FILIP1L: variants seen among roughly 807,000 people sequenced by gnomAD.
The protein encoded by FILIP1L is filamin A interacting protein 1 like.
A neutral mutation model predicts 96.6 loss-of-function variants in FILIP1L; 55 were observed. That is an observed-to-expected ratio of 0.57 (90% CI 0.46 to 0.71). The LOEUF is 0.71. FILIP1L is among the 30% of genes least tolerant of loss of function. The probability of loss-of-function intolerance (pLI) is 0.00; values close to 1 mark genes in which losing one functional copy is unlikely to be tolerated. For synonymous variants in FILIP1L, 467 were observed against 473.9 expected (o/e 0.99, Z 0.19); for missense variants, 1,304 against 1,321.2 (o/e 0.99, Z 0.20).
At chr3:100,038,376 A>G (rs1356472032) in intron 1 of FILIP1L, among the ~76,000 whole-genome samples, 1 of 152,234 alleles carries the variant, frequency 6.6e-6, no homozygotes, top group African/African-American at 2.4e-5. Context: ...AGATAGAAAA[A>G]TAAGATATTG....
chr3:100,024,499 CCTT>C (rs1236716762), intron 1 of FILIP1L, among the ~76,000 whole-genome samples: 2 of 152,082 alleles, frequency 1.3e-5, no homozygotes, highest in Non-Finnish European at 2.9e-5. Flanking sequence ...TATCAGGTCT[CCTT>C]AGACTATTCA....
chr3:100,004,381 T>G (rs1709929267), intron 1 of FILIP1L, among the ~76,000 whole-genome samples: 1 of 152,180 alleles, frequency 6.6e-6, no homozygotes, highest in Non-Finnish European at 1.5e-5. Context: ...GGATTAATAC[T>G]GAGAAGATCA....
At chr3:99,962,525 A>G (rs1199739573) in intron 1 of FILIP1L, among the ~76,000 whole-genome samples, 1 of 152,236 alleles carries the variant, frequency 6.6e-6, no homozygotes, top group African/African-American at 2.4e-5. Context: ...CTCCAGCAAC[A>G]ATATGTTTGG....
intron 4 of FILIP1L, among the ~76,000 whole-genome samples, chr3:99,891,352 A>G (rs1462155963): frequency 2.0e-5 from 3 of 152,138 alleles, no homozygotes; most frequent in East Asian, 1.9e-4. Flanking sequence ...TACATGCCCT[A>G]TGATGTCATG....
chr3:100,111,461 A>G (rs1231744227), intron 1 of FILIP1L, among the ~76,000 whole-genome samples: 1 of 152,152 alleles, frequency 6.6e-6, no homozygotes, highest in African/African-American at 2.4e-5. Flanking sequence ...TGCCTTTCCT[A>G]CTACATAGGG....
intron 1 of FILIP1L, among the ~76,000 whole-genome samples, chr3:99,976,390 A>G (rs1398307336): frequency 1.3e-5 from 2 of 152,242 alleles, no homozygotes; most frequent in Non-Finnish European, 2.9e-5. Flanking sequence ...TAAGTAAGTT[A>G]TTAAACTGTG....
At chr3:99,967,903 G>A (rs1191271794) in intron 1 of FILIP1L, among the ~76,000 whole-genome samples, 2 of 152,184 alleles carry the variant, frequency 1.3e-5, no homozygotes, top group Non-Finnish European at 2.9e-5. Context: ...GAAGGAGTAG[G>A]ATTTACAAAT....
chr3:99,931,613 G>T (rs939837186), intron 1 of FILIP1L, among the ~76,000 whole-genome samples: 1 of 152,076 alleles, frequency 6.6e-6, no homozygotes, highest in Non-Finnish European at 1.5e-5. Flanking sequence ...AGGAATGAAG[G>T]CTTGGTCCCT....
chr3:99,938,050 AGTGTGTGTGTGT>A (rs71625545), intron 1 of FILIP1L, among the ~76,000 whole-genome samples: 2 of 149,002 alleles, frequency 1.3e-5, no homozygotes, highest in African/African-American at 5.0e-5. Flanking sequence ...AGGCTCAGGA[AGTGTGTGTGTGT>A]GTGTGTGTGT....
intron 1 of FILIP1L, among the ~76,000 whole-genome samples, chr3:99,967,196 T>C (rs1409907643): frequency 6.6e-6 from 1 of 152,246 alleles, no homozygotes; most frequent in African/African-American, 2.4e-5. Flanking sequence ...TCTTGGCTCT[T>C]AGCCCCACCT....
At chr3:100,028,916 C>CAT (rs991568004) in intron 1 of FILIP1L, among the ~76,000 whole-genome samples, 3 of 152,130 alleles carry the variant, frequency 2.0e-5, no homozygotes, top group African/African-American at 7.2e-5. Context: ...CACACACACA[C>CAT]ATATAAACAT....
At chr3:99,885,541 T>C (rs564583067) in intron 4 of FILIP1L, among the ~76,000 whole-genome samples, 139 of 152,360 alleles carry the variant, frequency 9.1e-4, no homozygotes, top group African/African-American at 3.1e-3. Flanking sequence ...GTTCATAAAC[T>C]TACTTTGATA....
intron 1 of FILIP1L, among the ~76,000 whole-genome samples, chr3:100,037,470 A>G (rs35701020): frequency 0.18 from 27,295 of 152,040 alleles, 2,794 homozygotes; most frequent in South Asian, 0.24. Flanking sequence ...ACACACACGC[A>G]CATTGTTATC....
At chr3:99,918,197 C>T (rs931010729) in intron 4 of FILIP1L, among the ~76,000 whole-genome samples, 1 of 151,988 alleles carries the variant, frequency 6.6e-6, no homozygotes, top group Non-Finnish European at 1.5e-5. Flanking sequence ...AGGCTGGTCT[C>T]GAACCCTTGA....
At chr3:99,839,057 C>G (rs1312104291) in intron 5 of FILIP1L, among the ~76,000 whole-genome samples, 1 of 152,118 alleles carries the variant, frequency 6.6e-6, no homozygotes. Context: ...ACACCTTTAC[C>G]TTGTGGGCAC....
At chr3:99,831,918 C>T (rs1305126115) in intron 5 of FILIP1L, among the ~76,000 whole-genome samples, 3 of 152,196 alleles carry the variant, frequency 2.0e-5, no homozygotes, top group African/African-American at 7.2e-5. Context: ...GGAACTCTAG[C>T]CTACCTGGGT....
chr3:100,086,392 C>G (rs1297225269), intron 1 of FILIP1L, among the ~76,000 whole-genome samples: 1 of 152,090 alleles, frequency 6.6e-6, no homozygotes, highest in African/African-American at 2.4e-5. Flanking sequence ...AATCAGCTGA[C>G]CCCCTCTAGT....
intron 3 of FILIP1L, among the ~76,000 whole-genome samples, chr3:99,927,021 C>T (rs779587676): frequency 2.6e-5 from 4 of 152,206 alleles, no homozygotes; most frequent in Admixed American, 6.5e-5. Flanking sequence ...ACCATCTGAA[C>T]CTCCTGCCAC....
intron 1 of FILIP1L, among the ~76,000 whole-genome samples, chr3:99,952,109 C>A (rs1430944565): frequency 6.6e-6 from 1 of 151,946 alleles, no homozygotes; most frequent in Non-Finnish European, 1.5e-5. Flanking sequence ...ATAGATTTGG[C>A]ACAGGCATCA....
Sources: gnomAD v4.1 joint callset for allele counts (sites outside exome capture counted in the v4.1 genomes callset) on GRCh38, gnomAD v4.1.1 for gene constraint, MANE v1.5 for transcripts, NCBI Gene and HGNC (gene_info 2026-07-23, HGNC 2026-07-21) for gene names.